UCK1: variants seen among roughly 807,000 people sequenced by gnomAD.
UCK1 encodes cytidine monophosphokinase 1.
UCK1 carries 20 observed loss-of-function variants against 34.0 expected under a neutral mutation model. The ratio of observed to expected loss-of-function variants is 0.59; its 90% confidence interval spans 0.41 to 0.86. UCK1 has a LOEUF of 0.86. Among genes scored for constraint, UCK1 ranks in the 40% least tolerant of loss-of-function variants. The pLI, the probability that UCK1 is intolerant of heterozygous loss-of-function variation, is 0.00. For missense variants in UCK1, 343 were observed against 383.6 expected, an observed-to-expected ratio of 0.89 and a Z score of 0.88; for synonymous variants, 168 against 155.9, an observed-to-expected ratio of 1.08 and a Z score of -0.58.
In UCK1 at chr9:131,528,536, G is replaced by A. The variant is rs372679533; in HGVS notation, c.603+408C>T. On this transcript the variant is annotated intron_variant, in intron 5 of 6. Transcript: ENST00000372215. ...CAGATCCCGGCCTTGGCAGTGAACA[G>A]ACTAAAGTGCTCCTGGGCTTCCCCA... Among the ~76,000 whole-genome samples the A allele has an allele frequency of 3.9e-5, 6 of 152,330 alleles. No homozygotes were observed. The East Asian group carries it at 9.7e-4, about 25-fold the overall frequency.
In UCK1 at chr9:131,526,282, C is replaced by G; in HGVS notation, c.604-305G>C. 5 of 731,576 alleles carry G rather than the reference C, an allele frequency of 6.8e-6. No individual in the cohort carries two copies. In the South Asian group the frequency reaches 8.4e-5, roughly 12 times the overall value. The allele number at this position is 731,576 out of a possible 1,614,324, so 45.3% of individuals were successfully genotyped here. A position where few individuals can be genotyped will look rare whatever the true frequency, so the allele number is the denominator to read the frequency against. ...CTCCATTACAGGAGACAGCTGGCTA[C>G]GCTAACGACTCAATTCACTGGGCCA... On this transcript the variant is annotated intron_variant, in intron 5 of 6. Transcript: ENST00000372215.
chr9:131,530,400 CA>C, intron 2 of UCK1, 85 bp downstream of exon 2: 1 of 1,525,612 alleles, frequency 6.6e-7, no homozygotes, highest in Non-Finnish European at 9.0e-7. Context: ...GGTCTGCATC[CA>C]TCCAACCTTG....
In UCK1 at chr9:131,529,901, C is replaced by G. The variant is rs1950764441; in HGVS notation, c.269-317G>C. On this transcript the variant is annotated intron_variant, in intron 2 of 6. Coordinates refer to ENST00000372215, the MANE Select transcript of UCK1 (RefSeq NM_031432.5). Reference sequence around the variant, plus strand: ...GGGTAGGCTGGGCCTCTGCTTCTCTCTCTTTCTGGGACTAACTGGTTAGAC... The same window carrying G: ...GGGTAGGCTGGGCCTCTGCTTCTCTGTCTTTCTGGGACTAACTGGTTAGAC... 2.0e-5 allele frequency among the ~76,000 whole-genome samples: 3 copies of G among 152,226 alleles called. No homozygotes were observed. In the South Asian group the frequency reaches 6.2e-4, roughly 31 times the overall value.
Position 131,531,135 on chromosome 9 carries a change from G to A in UCK1, c.40C>T (p.Pro14Ser). 1 of 1,450,516 alleles carries A rather than the reference G, an allele frequency of 6.9e-7. No homozygotes were observed. The highest frequency in any genetic ancestry group is 9.0e-7 in the Non-Finnish European group (1 of 1,105,546). The allele number at this position is 1,450,516 out of a possible 1,614,324, so 89.9% of individuals were successfully genotyped here. A position where few individuals can be genotyped will look rare whatever the true frequency, so the allele number is the denominator to read the frequency against. Residue 14 changes from proline (P) to serine (S), a missense_variant, in exon 1 of 7, where the codon CCG becomes TCG. Pro to Ser is a moderately conservative substitution (Grantham distance 74, BLOSUM62 -1). Coordinates refer to ENST00000372215, the MANE Select transcript of UCK1 (RefSeq NM_031432.5). Reference sequence around the variant, plus strand: ...CGCTGGTGCGGACGGTCGGCCTCCGGCGCGGGGCTCTCGCAGTCTTCGCCT... The same window carrying A: ...CGCTGGTGCGGACGGTCGGCCTCCGACGCGGGGCTCTCGCAGTCTTCGCCT... ...AGGEDCESPA[P>S]EADRPHQRPF...
chr9:131,526,184 G>C, intron 5 of UCK1: 1 of 686,290 alleles, frequency 1.5e-6, no homozygotes, highest in Non-Finnish European at 2.4e-6. Context: ...GTGCAGCTGA[G>C]GCAGCCAAAA....
intron 5 of UCK1, 154 bp downstream of exon 5, chr9:131,528,790 A>C: frequency 2.3e-6 from 2 of 858,156 alleles, no homozygotes; most frequent in Non-Finnish European, 3.6e-6. Flanking sequence ...ACAGCTGAGA[A>C]CTACTCCCAG....
At chr9:131,525,262 A>G in intron 6 of UCK1, 41 bp from the exon 7 acceptor site, 1 of 1,611,444 alleles carries the variant, frequency 6.2e-7, no homozygotes, top group Non-Finnish European at 8.5e-7. Flanking sequence ...AGCCGCATCC[A>G]TCCTCCGTGG....
In UCK1 at chr9:131,525,188, T is replaced by A. The variant is rs750023898; in HGVS notation, c.686A>T (p.Asp229Val). 1 of 1,614,114 alleles carries A rather than the reference T, an allele frequency of 6.2e-7. No individual in the cohort carries two copies. Among genetic ancestry groups the A allele is most frequent in the Non-Finnish European group, 8.5e-7 (1 of 1,180,044 alleles). Residue 229 changes from aspartate to valine, a missense_variant, in exon 7 of 7, where the codon GAC becomes GTC. Asp to Val is a radical substitution (Grantham distance 152). Transcript: ENST00000372215. ...TTTGCAGATGTCACCATTCAGAATG[T>A]CCTGGATGTGCTGCACGATCAGGTT... is the stretch of plus-strand genomic sequence containing the variant. ...AINLIVQHIQ[D>V]ILNGDICKWH...
rs887314236 is a variant in UCK1 at position 131,525,157 on chromosome 9, G to C, written c.717C>G (p.His239Gln). 1 of 1,614,130 alleles carries C rather than the reference G, an allele frequency of 6.2e-7. No homozygotes were observed. The highest frequency in any genetic ancestry group is 1.1e-5 in the South Asian group (1 of 91,088). Residue 239 changes from histidine (H) to glutamine (Q), a missense_variant, in exon 7 of 7, where the codon CAC (histidine) becomes CAG (glutamine). Physicochemically the swap from His to Gln is conservative, Grantham distance 24. Transcript: ENST00000372215. Reference sequence around the variant, plus strand: ...AGCTCCGCCCATTGGACCCTCCTCGGTGCCATTTGCAGATGTCACCATTCA... The same window carrying C: ...AGCTCCGCCCATTGGACCCTCCTCGCTGCCATTTGCAGATGTCACCATTCA... Reference protein sequence around the residue: ...DILNGDICKWHRGGSNGRSYK... With the variant: ...DILNGDICKWQRGGSNGRSYK...
chr9:131,531,136 C>G lies in UCK1; in HGVS notation c.39G>C (p.Ala13=), dbSNP rs1287344256. The G allele has an allele frequency of 8.3e-6, 12 of 1,450,532 alleles. No homozygotes were observed. The highest frequency in any genetic ancestry group is 1.1e-5 in the Non-Finnish European group (12 of 1,105,486). 89.9% of individuals were successfully genotyped at this position (1,450,532 alleles called of 1,614,324 possible). ...GCTGGTGCGGACGGTCGGCCTCCGGCGCGGGGCTCTCGCAGTCTTCGCCTC... is the reference window on the plus strand; with the variant it reads ...GCTGGTGCGGACGGTCGGCCTCCGGGGCGGGGCTCTCGCAGTCTTCGCCTC... ...SAGGEDCESP[A]PEADRPHQRP... The change falls in exon 1 of 7, where the codon GCG becomes GCC. Residue 13 remains alanine (A), a synonymous_variant. Coordinates refer to ENST00000372215, the MANE Select transcript of UCK1 (RefSeq NM_031432.5).
rs1350690644 is a variant in UCK1 at position 131,524,617 on chromosome 9, AGTGT to A, written c.*419_*422del. On this transcript the variant is annotated 3_prime_UTR_variant, in exon 7 of 7. Transcript: ENST00000372215. ...ACAAAACTTTTGAGTTATGTGTGTG[AGTGT>A]GTAAGAACCAGATCAGACTGGAAAA... 5 of 79,376 alleles carry A rather than the reference AGTGT, an allele frequency of 6.3e-5. No individual in the cohort carries two copies. Among genetic ancestry groups the A allele is most frequent in the Admixed American group, 1.9e-4 (1 of 5,258 alleles). The allele number at this position is 79,376 out of a possible 1,614,324, so 4.9% of individuals were successfully genotyped here.
rs1950519148 is a variant in UCK1 at position 131,524,799 on chromosome 9, AG to A, written c.*240del. ...TCTGTGGCATTTCTCAGTGACCTAG[AG>A]GGATCTTTAAACCGCAACGAGCCTA... On this transcript the variant is annotated 3_prime_UTR_variant, in exon 7 of 7. Transcript: ENST00000372215. 1 of 504,952 alleles carries A rather than the reference AG, an allele frequency of 2.0e-6. No homozygotes were observed. The highest frequency in any genetic ancestry group is 3.5e-6 in the Non-Finnish European group (1 of 285,324). 31.3% of individuals were successfully genotyped at this position (504,952 alleles called of 1,614,324 possible).
chr9:131,524,852 G>A lies in UCK1; in HGVS notation c.*188C>T. 1 of 656,968 alleles carries A rather than the reference G, an allele frequency of 1.5e-6. No individual in the cohort carries two copies. The highest frequency in any genetic ancestry group is 2.5e-6 in the Non-Finnish European group (1 of 403,556). 40.7% of individuals were successfully genotyped at this position (656,968 alleles called of 1,614,324 possible). A position where few individuals can be genotyped will look rare whatever the true frequency, so the allele number is the denominator to read the frequency against. On this transcript the variant is annotated 3_prime_UTR_variant, in exon 7 of 7. Transcript: ENST00000372215. The stretch of plus-strand genomic sequence containing the variant: ...GTGGCTGAAAACCTCAGGAACGCCT[G>A]TCAGTGTCCCAGCAAGTTGAGTCTG...
intron 5 of UCK1, among the ~76,000 whole-genome samples, chr9:131,528,207 G>A (rs1449064576): frequency 6.7e-6 from 1 of 149,974 alleles, no homozygotes; most frequent in Non-Finnish European, 1.5e-5. Context: ...GAACTTACTT[G>A]TCCTACATTA....
chr9:131,530,839 G>A (rs970722397), intron 1 of UCK1, among the ~76,000 whole-genome samples, 194 bp from the exon 2 acceptor site: 9 of 152,182 alleles, frequency 5.9e-5, no homozygotes, highest in African/African-American at 2.2e-4. Context: ...TTGGGGCTCC[G>A]AGGAGCCCGG....
intron 5 of UCK1, among the ~76,000 whole-genome samples, chr9:131,528,626 G>C (rs1950702547): frequency 6.6e-6 from 1 of 152,236 alleles, no homozygotes; most frequent in Non-Finnish European, 1.5e-5. Context: ...AAAGGAAGCA[G>C]GCAGAGAGGC....
intron 5 of UCK1, chr9:131,526,223 C>T: frequency 1.5e-6 from 1 of 659,250 alleles, no homozygotes; most frequent in South Asian, 1.9e-5. Flanking sequence ...GTCCCCATTC[C>T]ATCACAGAAG....
At chr9:131,529,730 T>A in intron 2 of UCK1, 146 bp from the exon 3 acceptor site, 1 of 676,436 alleles carries the variant, frequency 1.5e-6, no homozygotes, top group Non-Finnish European at 2.6e-6. Flanking sequence ...CGGCAGTGTA[T>A]GTTTGGTAGC....
intron 5 of UCK1, 148 bp from the exon 6 acceptor site, chr9:131,526,125 AGTC>A: frequency 1.1e-6 from 1 of 906,080 alleles, no homozygotes; most frequent in Non-Finnish European, 1.8e-6. Context: ...ACACAGACTC[AGTC>A]ATCAGCCAGG....
Sources: allele counts gnomAD v4.1 joint callset (sites outside exome capture counted in the v4.1 genomes callset), GRCh38; gene constraint gnomAD v4.1.1; transcripts MANE v1.5; gene names NCBI Gene and HGNC (gene_info 2026-07-23, HGNC 2026-07-21).